Variants in RANBP2 observed in about 807,000 individuals in gnomAD.
The protein encoded by RANBP2 is RAN binding protein 2, also known as E3 SUMO-protein ligase RanBP2.
RANBP2 carries 57 observed loss-of-function variants against 303.6 expected under a neutral mutation model. The observed-to-expected ratio is 0.19, with a 90% CI of 0.15 to 0.23. The LOEUF is 0.23. RANBP2 is among the 10% of genes least tolerant of loss of function. RANBP2 has a pLI of 1.00. For missense variants in RANBP2, 3,138 were observed against 3,780.8 expected (o/e 0.83, Z 4.46); for synonymous variants, 1,167 against 1,301.5 (o/e 0.90, Z 2.23).
the RANBP2 span, among the ~76,000 whole-genome samples, chr2:108,827,633 A>T: frequency 6.6e-6 from 1 of 151,908 alleles, no homozygotes; most frequent in East Asian, 1.9e-4. Context: ...TGGCTAACAC[A>T]GTGAAACCCC....
the RANBP2 span, among the ~76,000 whole-genome samples, chr2:109,733,947 C>T: frequency 5.3e-5 from 8 of 151,558 alleles, no homozygotes; most frequent in African/African-American, 1.7e-4. Context: ...CGACGTGGGC[C>T]GCGGGCGGAT....
chr2:109,534,182 G>A, the RANBP2 span, among the ~76,000 whole-genome samples: 1 of 152,164 alleles, frequency 6.6e-6, no homozygotes, highest in Non-Finnish European at 1.5e-5. Flanking sequence ...GCCAAGCTAT[G>A]ATGATAAACA....
At chr2:109,430,730 C>A in the RANBP2 span, among the ~76,000 whole-genome samples, 1 of 152,192 alleles carries the variant, frequency 6.6e-6, no homozygotes, top group African/African-American at 2.4e-5. Flanking sequence ...GTCACCTAGA[C>A]ATAGCATTGA....
the RANBP2 span, among the ~76,000 whole-genome samples, chr2:108,930,662 C>T: frequency 3.6e-4 from 55 of 152,252 alleles, no homozygotes; most frequent in Non-Finnish European, 6.0e-4. Flanking sequence ...CTTAGCTGCG[C>T]GGCCCCCAAG....
At chr2:108,752,959 T>G (rs776687104) in intron 12 of RANBP2, 39 bp from the exon 13 acceptor site, 25 of 1,605,754 alleles carry the variant, frequency 1.6e-5, no homozygotes, top group Non-Finnish European at 2.1e-5. Flanking sequence ...TAATCATGCG[T>G]GTTCCTTAAA....
the RANBP2 span, among the ~76,000 whole-genome samples, chr2:109,655,265 G>A: frequency 1.3e-5 from 2 of 152,104 alleles, no homozygotes; most frequent in Admixed American, 1.3e-4. Flanking sequence ...ATGTGTCTCC[G>A]TTCCCACTGC....
the RANBP2 span, among the ~76,000 whole-genome samples, chr2:109,019,917 C>T: frequency 1.3e-5 from 2 of 152,290 alleles, no homozygotes; most frequent in African/African-American, 4.8e-5. Context: ...TCACCTAAAT[C>T]AGCACAGCCA....
the RANBP2 span, among the ~76,000 whole-genome samples, chr2:109,669,405 T>C: frequency 6.6e-6 from 1 of 152,028 alleles, no homozygotes; most frequent in Non-Finnish European, 1.5e-5. Context: ...GGAGAAACAA[T>C]ATTTTCAAAC....
chr2:109,468,879 T>C, the RANBP2 span, among the ~76,000 whole-genome samples: 1 of 144,248 alleles, frequency 6.9e-6, no homozygotes, highest in Non-Finnish European at 1.5e-5. Context: ...AAAAAAAAGT[T>C]AAATTCAGAG....
chr2:108,741,615 C>T (rs1394731414), intron 7 of RANBP2, among the ~76,000 whole-genome samples: 5 of 140,040 alleles, frequency 3.6e-5, no homozygotes, highest in Non-Finnish European at 1.5e-5. Flanking sequence ...ACGCCATTTT[C>T]CTGCCTCAGC....
intron 24 of RANBP2, among the ~76,000 whole-genome samples, chr2:108,776,328 A>C (rs1290554208): frequency 6.6e-6 from 1 of 152,210 alleles, no homozygotes; most frequent in East Asian, 1.9e-4. Flanking sequence ...TTACGGATTT[A>C]AGAAAGTTTT....
chr2:108,832,442 A>C, the RANBP2 span, among the ~76,000 whole-genome samples: 1 of 148,356 alleles, frequency 6.7e-6, no homozygotes, highest in Non-Finnish European at 1.5e-5. Context: ...CTGCCTCCCA[A>C]GTTCAAGCGA....
chr2:109,726,950 C>A, the RANBP2 span, among the ~76,000 whole-genome samples: 1 of 152,152 alleles, frequency 6.6e-6, no homozygotes, highest in East Asian at 1.9e-4. Context: ...TTGGCTCCTG[C>A]CAACCTCAGA....
chr2:109,085,814 A>G, the RANBP2 span, among the ~76,000 whole-genome samples: 2 of 151,654 alleles, frequency 1.3e-5, no homozygotes, highest in East Asian at 3.9e-4. Context: ...CATGTTGACC[A>G]GGCTGGTTCT....
chr2:109,223,877 G>T, the RANBP2 span, among the ~76,000 whole-genome samples: 1 of 152,186 alleles, frequency 6.6e-6, no homozygotes, highest in African/African-American at 2.4e-5. Flanking sequence ...CATGTCTGTT[G>T]TCCCAGCTAC....
the RANBP2 span, among the ~76,000 whole-genome samples, chr2:109,034,663 T>C: frequency 6.6e-6 from 1 of 152,246 alleles, no homozygotes; most frequent in Non-Finnish European, 1.5e-5. Flanking sequence ...CATCATCCTG[T>C]ACTCCTAGAT....
chr2:109,167,516 A>G, the RANBP2 span, among the ~76,000 whole-genome samples: 3 of 152,106 alleles, frequency 2.0e-5, no homozygotes, highest in Non-Finnish European at 2.9e-5. Context: ...GTATTTCCCC[A>G]GTCATCCCCC....
the RANBP2 span, among the ~76,000 whole-genome samples, chr2:109,699,263 T>C: frequency 6.6e-6 from 1 of 152,210 alleles, no homozygotes; most frequent in African/African-American, 2.4e-5. Context: ...TCTTTGCGCA[T>C]TTTCTTTAGT....
At chr2:109,013,113 AC>A in the RANBP2 span, among the ~76,000 whole-genome samples, 1 of 152,160 alleles carries the variant, frequency 6.6e-6, no homozygotes, top group Non-Finnish European at 1.5e-5. Context: ...AATTGACAAC[AC>A]TGGCTCAGCC....
Sources: allele counts gnomAD v4.1 joint callset (sites outside exome capture counted in the v4.1 genomes callset), GRCh38; gene constraint gnomAD v4.1.1; transcripts MANE v1.5; gene names NCBI Gene and HGNC (gene_info 2026-07-23, HGNC 2026-07-21).